The following ATG10 variants were observed in gnomAD, a reference collection of about 807,000 sequenced individuals.
ATG10 encodes autophagy related 10.
A neutral mutation model predicts 32.1 loss-of-function variants in ATG10; 30 were observed. The observed-to-expected ratio is 0.94, with a 90% CI of 0.70 to 1.27. The LOEUF is 1.27. Ranked by LOEUF, ATG10 falls within the 50% of genes most tolerant of loss-of-function variation. The pLI, the probability that ATG10 is intolerant of heterozygous loss-of-function variation, is 0.00. For missense variants in ATG10, 233 were observed against 262.3 expected (o/e 0.89, Z 0.77); for synonymous variants, 87 against 91.5 (o/e 0.95, Z 0.28).
chr5:82,098,305 TG>T (rs1416609183), intron 3 of ATG10, among the ~76,000 whole-genome samples: 16 of 147,520 alleles, frequency 1.1e-4, no homozygotes, highest in African/African-American at 3.7e-4. Context: ...ATATTGTTGT[TG>T]GGTTTTTTTT....
At chr5:82,195,842 G>T (rs528105972) in intron 5 of ATG10, among the ~76,000 whole-genome samples, 1 of 152,252 alleles carries the variant, frequency 6.6e-6, no homozygotes, top group East Asian at 1.9e-4. Context: ...CTACTATGAA[G>T]ATTTGTGTAC....
chr5:82,130,833 G>A (rs1766489366), intron 3 of ATG10, among the ~76,000 whole-genome samples: 1 of 152,100 alleles, frequency 6.6e-6, no homozygotes, highest in Non-Finnish European at 1.5e-5. Context: ...CTTTAATGAA[G>A]GGAATGTTTC....
intron 7 of ATG10, among the ~76,000 whole-genome samples, 196 bp from the exon 8 acceptor site, chr5:82,253,872 G>T (rs937465921): frequency 3.3e-5 from 5 of 152,192 alleles, no homozygotes; most frequent in African/African-American, 7.2e-5. Flanking sequence ...TGTGAAAATG[G>T]TTTTCCCTGA....
intron 2 of ATG10, among the ~76,000 whole-genome samples, chr5:82,026,303 T>C (rs2149710873): frequency 6.6e-6 from 1 of 152,318 alleles, no homozygotes; most frequent in Non-Finnish European, 1.5e-5. Context: ...TGTTGCAGCG[T>C]GTATCAGAAT....
At chr5:82,128,380 TG>T in intron 3 of ATG10, among the ~76,000 whole-genome samples, 1 of 146,300 alleles carries the variant, frequency 6.8e-6, no homozygotes, top group East Asian at 2.0e-4. Context: ...TTCTTCATAG[TG>T]TTGATGGTCT....
At chr5:82,239,077 G>A (rs901728351) in intron 5 of ATG10, among the ~76,000 whole-genome samples, 50 of 152,144 alleles carry the variant, frequency 3.3e-4, no homozygotes, top group African/African-American at 1.1e-3. Context: ...CCTCTCCTTC[G>A]TTCTTAGATA....
intron 5 of ATG10, among the ~76,000 whole-genome samples, chr5:82,245,282 C>T (rs1314989066): frequency 6.6e-6 from 1 of 152,162 alleles, no homozygotes; most frequent in Non-Finnish European, 1.5e-5. Flanking sequence ...GTAGAAAATA[C>T]AGATAATCTT....
chr5:82,246,131 C>T (rs1334665982), intron 5 of ATG10, among the ~76,000 whole-genome samples: 1 of 148,816 alleles, frequency 6.7e-6, no homozygotes, highest in Non-Finnish European at 1.5e-5. Context: ...AGTGCAGTGG[C>T]ACAATCTCCA....
chr5:81,983,202 C>G (rs12109996), intron 1 of ATG10, among the ~76,000 whole-genome samples: 27,243 of 147,262 alleles, frequency 0.18, 2,975 homozygotes, highest in Middle Eastern at 0.27. Context: ...CCACCTCCCT[C>G]CCGGACGGGG....
chr5:82,082,945 G>A (rs1013419964), intron 3 of ATG10, among the ~76,000 whole-genome samples: 8 of 152,200 alleles, frequency 5.3e-5, no homozygotes, highest in African/African-American at 1.9e-4. Context: ...CAGAAGATGG[G>A]TGATTTCTGC....
chr5:82,214,553 T>C (rs1745604836), intron 5 of ATG10, among the ~76,000 whole-genome samples: 1 of 152,236 alleles, frequency 6.6e-6, no homozygotes, highest in Non-Finnish European at 1.5e-5. Context: ...AAAATTTTTA[T>C]TCAAATCTCA....
intron 5 of ATG10, among the ~76,000 whole-genome samples, chr5:82,201,577 C>G (rs1745070799): frequency 6.6e-6 from 1 of 152,172 alleles, no homozygotes; most frequent in Non-Finnish European, 1.5e-5. Flanking sequence ...TTGATAAACC[C>G]TGTCTCTAAA....
chr5:82,138,900 G>A (rs1353044412), intron 3 of ATG10, among the ~76,000 whole-genome samples: 3 of 104,664 alleles, frequency 2.9e-5, no homozygotes, highest in African/African-American at 3.8e-5. Flanking sequence ...CCTCTCATGC[G>A]GAGCCGAAGC....
chr5:82,156,810 A>G (rs1428953471), intron 3 of ATG10, among the ~76,000 whole-genome samples: 2 of 152,238 alleles, frequency 1.3e-5, no homozygotes, highest in African/African-American at 2.4e-5. Flanking sequence ...TTTTAGATGT[A>G]TAGAAATAAG....
At chr5:82,156,086 G>T (rs1365421094) in intron 3 of ATG10, among the ~76,000 whole-genome samples, 1 of 151,944 alleles carries the variant, frequency 6.6e-6, no homozygotes, top group Non-Finnish European at 1.5e-5. Context: ...AACTGGGAGT[G>T]GGGGGTGATA....
intron 1 of ATG10, among the ~76,000 whole-genome samples, chr5:81,982,707 G>GCGGCCTTC (rs1561237345): frequency 1.3e-5 from 2 of 152,178 alleles, no homozygotes; most frequent in African/African-American, 4.8e-5. Context: ...AGAGGACCCT[G>GCGGCCTTC]CGGCCTTCCG....
At chr5:82,125,840 C>T (rs535601659) in intron 3 of ATG10, among the ~76,000 whole-genome samples, 3 of 152,242 alleles carry the variant, frequency 2.0e-5, no homozygotes, top group Non-Finnish European at 2.9e-5. Context: ...ATGGGAATAG[C>T]GTTGAATCTA....
At chr5:82,238,264 G>A (rs1049301486) in intron 5 of ATG10, among the ~76,000 whole-genome samples, 26 of 152,108 alleles carry the variant, frequency 1.7e-4, no homozygotes, top group Admixed American at 3.3e-4. Context: ...CCTTCCCTCC[G>A]AATGGTGAAA....
At chr5:82,249,232 C>A (rs1747147122) in intron 5 of ATG10, among the ~76,000 whole-genome samples, 1 of 152,068 alleles carries the variant, frequency 6.6e-6, no homozygotes, top group African/African-American at 2.4e-5. Flanking sequence ...TGGTTTTAAA[C>A]CTGAATACAA....
Sources: gnomAD v4.1 joint callset for allele counts (sites outside exome capture counted in the v4.1 genomes callset) on GRCh38, gnomAD v4.1.1 for gene constraint, MANE v1.5 for transcripts, NCBI Gene and HGNC (gene_info 2026-07-23, HGNC 2026-07-21) for gene names.